Variants in SCN2A observed in about 807,000 individuals in gnomAD.
The protein encoded by SCN2A is sodium channel protein type 2 subunit alpha.
In SCN2A, 20 loss-of-function variants were observed where a neutral mutation model predicts 188.7. The ratio of observed to expected loss-of-function variants is 0.11; its 90% CI spans 0.07 to 0.15. The LOEUF is 0.15. Ranked by LOEUF, SCN2A falls within the 10% of genes least tolerant of loss-of-function variation. The probability of loss-of-function intolerance (pLI) is 1.00; values close to 1 mark genes in which losing one functional copy is unlikely to be tolerated. For missense variants in SCN2A, 1,278 were observed against 2,445.0 expected (o/e 0.52, Z 10.07); for synonymous variants, 804 against 833.1 (o/e 0.97, Z 0.60).
At chr2:165,312,940 C>T (rs1369873737) in intron 8 of SCN2A, among the ~76,000 whole-genome samples, 1 of 152,052 alleles carries the variant, frequency 6.6e-6, no homozygotes, top group Non-Finnish European at 1.5e-5. Context: ...CTTCAGATTC[C>T]AATGATAAGT....
intron 7 of SCN2A, among the ~76,000 whole-genome samples, chr2:165,311,303 A>G (rs773887006): frequency 3.3e-5 from 5 of 152,036 alleles, no homozygotes; most frequent in African/African-American, 1.2e-4. Context: ...AAAAATACGT[A>G]TGTTTGCATG....
At chr2:165,349,560 T>C (rs1006636162) in intron 16 of SCN2A, among the ~76,000 whole-genome samples, 6 of 152,096 alleles carry the variant, frequency 3.9e-5, no homozygotes, top group Non-Finnish European at 8.8e-5. Flanking sequence ...TATCAAGTAC[T>C]TATGGTTGAC....
chr2:165,345,012 C>T (rs1699496429), intron 16 of SCN2A, 101 bp downstream of exon 16: 2 of 1,428,270 alleles, frequency 1.4e-6, no homozygotes, highest in Non-Finnish European at 2.0e-6. Flanking sequence ...AAATCAAGGC[C>T]ACTTCCTATT....
chr2:165,261,717 T>C (rs964979779), intron 1 of SCN2A, among the ~76,000 whole-genome samples: 1 of 152,224 alleles, frequency 6.6e-6, no homozygotes, highest in African/African-American at 2.4e-5. Context: ...TGTACTTGCC[T>C]GAGCTTCCCA....
chr2:165,269,204 A>G (rs920642767), intron 1 of SCN2A: 1 of 152,106 alleles, frequency 6.6e-6, no homozygotes, highest in Non-Finnish European at 1.5e-5. Flanking sequence ...AATTAGTTTG[A>G]TTTAATCATT....
At chr2:165,350,460 C>CTTTTTTTTTTTTTTTTTTTTTT (rs796595702) in intron 16 of SCN2A, among the ~76,000 whole-genome samples, 6 of 77,932 alleles carry the variant, frequency 7.7e-5, no homozygotes, top group African/African-American at 2.2e-4. Context: ...GAACTGTTTT[C>CTTTTTTTTTTTTTTTTTTTTTT]TTTCTTTTTT....
chr2:165,293,875 C>A (rs1696345688), intron 1 of SCN2A: 7 of 984,896 alleles, frequency 7.1e-6, no homozygotes, highest in Non-Finnish European at 8.4e-6. Context: ...GAAGGTGTTT[C>A]TCTTCACAGT....
Position 165,350,460 on chromosome 2 carries a change from C to CTTTTTTTTTTT in SCN2A, c.2920-3729_2920-3728insTTTTTTTTTTT, listed in dbSNP as rs796595702. Among the ~76,000 whole-genome samples, 33 of 77,910 alleles carry CTTTTTTTTTTT rather than the reference C, an allele frequency of 4.2e-4. 1 individual carries two copies. The highest frequency in any genetic ancestry group is 1.3e-3 in the African/African-American group (29 of 23,012). The allele number at this position is 77,910 out of a possible 152,430, so 51.1% of individuals were successfully genotyped here. On this transcript the variant is annotated intron_variant, in intron 16 of 26. Transcript: ENST00000375437. The stretch of plus-strand genomic sequence containing the variant: ...CTGAGTGAGCTTGCTGAACTGTTTT[C>CTTTTTTTTTTT]TTTCTTTTTTTTTTTTTTTTTTTTT...
chr2:165,361,379 T>A (rs1700453473), intron 17 of SCN2A, among the ~76,000 whole-genome samples: 1 of 152,050 alleles, frequency 6.6e-6, no homozygotes, highest in African/African-American at 2.4e-5. Flanking sequence ...CAATATTTGA[T>A]TACATATCTA....
Position 165,354,457 on chromosome 2 carries a change from G to T in SCN2A, c.3185G>T (p.Gly1062Val), listed in dbSNP as rs1165493998. The stretch of plus-strand genomic sequence containing the variant: ...TCCAACCATACCACCATAGAAATAG[G>T]CAAAGACCTCAATTATCTCAAAGAC... ...CISNHTTIEI[G>V]KDLNYLKDGN... The change falls in exon 17 of 27, where the codon GGC (glycine) becomes GTC (valine). Residue 1062 changes from glycine (G) to valine (V), a missense_variant. Physicochemically the swap from Gly to Val is moderately radical, Grantham distance 109. This residue lies in a region of SCN2A where 228 missense variants were observed against 297.3 expected (regional missense o/e 0.77). Transcript: ENST00000375437. 4 of 1,613,876 alleles carry T rather than the reference G, an allele frequency of 2.5e-6. No homozygotes were observed. The highest frequency in any genetic ancestry group is 1.3e-5 in the African/African-American group (1 of 74,878).
intron 25 of SCN2A, among the ~76,000 whole-genome samples, chr2:165,383,543 G>A (rs186877848): frequency 4.6e-5 from 7 of 152,240 alleles, no homozygotes; most frequent in Admixed American, 2.6e-4. Context: ...AACCGTTAAC[G>A]TGGACCCAGT....
intron 1 of SCN2A, among the ~76,000 whole-genome samples, chr2:165,264,343 A>T (rs1306150941): frequency 1.3e-5 from 2 of 152,118 alleles, no homozygotes; most frequent in African/African-American, 2.4e-5. Context: ...ACAGAATTTT[A>T]AAAAATCACA....
intron 1 of SCN2A, among the ~76,000 whole-genome samples, chr2:165,258,826 C>T (rs2892942): frequency 0.57 from 86,364 of 152,074 alleles, 24,946 homozygotes; most frequent in East Asian, 0.66. Context: ...GGCAAACTAA[C>T]TGAGGAACAT....
chr2:165,263,310 A>G (rs766295020), intron 1 of SCN2A, among the ~76,000 whole-genome samples: 1 of 152,012 alleles, frequency 6.6e-6, no homozygotes, highest in Non-Finnish European at 1.5e-5. Flanking sequence ...GTCTTTGCCC[A>G]AGCCAATGTC....
At chr2:165,373,466 C>A in intron 21 of SCN2A, 119 bp downstream of exon 21, 3 of 1,128,312 alleles carry the variant, frequency 2.7e-6, no homozygotes, top group Non-Finnish European at 3.9e-6. Context: ...ACTGACATAG[C>A]TAATCAATCA....
intron 1 of SCN2A, 71 bp from the exon 2 acceptor site, chr2:165,295,702 G>A: frequency 2.8e-6 from 4 of 1,416,736 alleles, no homozygotes; most frequent in Non-Finnish European, 3.9e-6. Context: ...TCAGTGCTCA[G>A]TGTCATGTAA....
intron 1 of SCN2A, among the ~76,000 whole-genome samples, chr2:165,250,746 G>T (rs1010506688): frequency 5.9e-5 from 9 of 152,024 alleles, no homozygotes; most frequent in African/African-American, 2.2e-4. Flanking sequence ...TATAGGAAAG[G>T]ATAAAATGTA....
chr2:165,346,153 A>G (rs1278566831), intron 16 of SCN2A, among the ~76,000 whole-genome samples: 1 of 151,258 alleles, frequency 6.6e-6, no homozygotes, highest in Admixed American at 6.6e-5. Context: ...TTTTTCCTTC[A>G]TTTCTACCTT....
At chr2:165,326,179 A>T (rs1698348389) in intron 12 of SCN2A, among the ~76,000 whole-genome samples, 2 of 152,170 alleles carry the variant, frequency 1.3e-5, no homozygotes, top group Admixed American at 1.3e-4. Flanking sequence ...AGATTATCAG[A>T]TCATTGTATC....
Sources: allele counts gnomAD v4.1 joint callset (sites outside exome capture counted in the v4.1 genomes callset), GRCh38; gene constraint gnomAD v4.1.1; regional missense constraint gnomAD v4.1.1; transcripts MANE v1.5; gene names NCBI Gene and HGNC (gene_info 2026-07-23, HGNC 2026-07-21).